Variants in NAA16 observed in about 807,000 individuals in gnomAD.
NAA16 encodes NARG1-like protein.
A neutral mutation model predicts 110.3 loss-of-function variants in NAA16; 97 were observed. The observed-to-expected ratio is 0.88, with a 90% confidence interval of 0.75 to 1.04. The LOEUF (loss-of-function observed/expected upper bound fraction) is 1.04, where lower values mean the gene tolerates loss of function less well. Ranked by LOEUF, NAA16 falls within the 50% of genes least tolerant of loss-of-function variation. NAA16 has a pLI of 0.00. For synonymous variants in NAA16, 372 were observed against 330.6 expected (o/e 1.13, Z -1.36); for missense variants, 1,017 against 1,005.1 (o/e 1.01, Z -0.16).
intron 4 of NAA16, among the ~76,000 whole-genome samples, chr13:41,321,877 C>T (rs1453898273): frequency 6.6e-6 from 1 of 152,054 alleles, no homozygotes; most frequent in Non-Finnish European, 1.5e-5. Flanking sequence ...GCCCTCATAC[C>T]CCATGCCTAG....
chr13:41,366,463 G>A lies in NAA16; in HGVS notation c.1540-976G>A, dbSNP rs776015259. 4.6e-5 allele frequency among the ~76,000 whole-genome samples: 7 copies of A among 152,080 alleles called. 1 individual carries two copies. Among genetic ancestry groups the A allele is most frequent in the African/African-American group, 1.4e-4 (6 of 41,428 alleles). The stretch of plus-strand genomic sequence containing the variant: ...TCTATATGATTTTAGAAAAACTAAC[G>A]TATGAAAAAAGAAGTTGGAGATGGA... On this transcript the variant is annotated intron_variant, in intron 13 of 19. Transcript: ENST00000379406.
In NAA16 at chr13:41,328,844, G is replaced by A; in HGVS notation, c.811+1G>A. The A allele has an allele frequency of 6.3e-7, 1 of 1,593,508 alleles. No homozygotes were observed. The highest frequency in any genetic ancestry group is 8.6e-7 in the Non-Finnish European group (1 of 1,163,992). On this transcript the variant is annotated splice_donor_variant, in intron 7 of 19. Transcript: ENST00000379406. LOFTEE classifies it high-confidence loss of function. ...GGCTTGGAAAAAGCTCTACAAATTA[G>A]TATGTAATGATTTTTCTCCTCTTTC... is the stretch of plus-strand genomic sequence containing the variant.
At chr13:41,348,109 TA>T (rs1185979159) in intron 9 of NAA16, among the ~76,000 whole-genome samples, 1 of 151,724 alleles carries the variant, frequency 6.6e-6, no homozygotes, top group Non-Finnish European at 1.5e-5. Context: ...GGTTTTTTTT[TA>T]AAAAAAATCT....
chr13:41,372,585 T>C (rs2043344009), intron 16 of NAA16, 147 bp from the exon 17 acceptor site: 5 of 1,327,024 alleles, frequency 3.8e-6, no homozygotes, highest in South Asian at 2.3e-5. Flanking sequence ...ATAGTTGACT[T>C]TGATAGCCAG....
intron 13 of NAA16, among the ~76,000 whole-genome samples, chr13:41,364,638 A>G (rs1445331328): frequency 6.6e-6 from 1 of 152,062 alleles, no homozygotes; most frequent in African/African-American, 2.4e-5. Flanking sequence ...ATTTTAGAAT[A>G]CTGACTTAGA....
At chr13:41,366,552 T>G (rs917380436) in intron 13 of NAA16, among the ~76,000 whole-genome samples, 6 of 152,146 alleles carry the variant, frequency 3.9e-5, no homozygotes, top group African/African-American at 1.4e-4. Flanking sequence ...AGAGGGTTAG[T>G]GTTCACCTTT....
chr13:41,332,989 AC>A (rs1340461022), intron 8 of NAA16, among the ~76,000 whole-genome samples: 1 of 152,118 alleles, frequency 6.6e-6, no homozygotes, highest in Non-Finnish European at 1.5e-5. Flanking sequence ...TTTCCAGGGA[AC>A]ATTAAGTCCA....
chr13:41,374,745 C>T lies in NAA16; in HGVS notation c.2303C>T (p.Ala768Val). ...ATSLQHLLSG[A>V]KMMYFLDKSR... ...TTGAAATGCCTTGGTATTTCAGGTG[C>T]TAAAATGATGTATTTTCTGGACAAG... The change falls in exon 19 of 20, where the codon GCT becomes GTT. Residue 768 changes from alanine (A) to valine (V), a missense_variant. Physicochemically the swap from Ala to Val is moderately conservative, Grantham distance 64. Coordinates refer to ENST00000379406, the MANE Select transcript of NAA16 (RefSeq NM_024561.5). 6.2e-7 allele frequency: 1 copy of T among 1,605,592 alleles called. No homozygotes were observed. Among genetic ancestry groups the T allele is most frequent in the South Asian group, 1.1e-5 (1 of 90,482 alleles).
In NAA16 at chr13:41,376,551, A is replaced by T. The variant is rs1403100378; in HGVS notation, c.*949A>T. 6.6e-6 allele frequency: 1 copy of T among 152,192 alleles called. No homozygotes were observed. Among genetic ancestry groups the T allele is most frequent in the Non-Finnish European group, 1.5e-5 (1 of 68,032 alleles). 9.4% of individuals were successfully genotyped at this position (152,192 alleles called of 1,614,324 possible). A position where few individuals can be genotyped will look rare whatever the true frequency, so the allele number is the denominator to read the frequency against. ...CTTAAAAGCCCACAGGCAAGAATTA[A>T]TGCTTTCTTAACTAAGTTACTTTGA... On this transcript the variant is annotated 3_prime_UTR_variant, in exon 20 of 20. Transcript: ENST00000379406.
At chr13:41,326,745 T>C (rs925402048) in intron 6 of NAA16, among the ~76,000 whole-genome samples, 1 of 152,134 alleles carries the variant, frequency 6.6e-6, no homozygotes, top group Non-Finnish European at 1.5e-5. Flanking sequence ...CAGGACAGTT[T>C]TAGGTTCACA....
In NAA16 at chr13:41,367,625, G is replaced by T; in HGVS notation, c.1726G>T (p.Glu576Ter). 1 of 1,608,872 alleles carries T rather than the reference G, an allele frequency of 6.2e-7. No homozygotes were observed. ...LKLYDNPLTN[E>*]SKQQEINSEN... is the part of the protein sequence containing the mutation. Reference sequence around the variant, plus strand: ...ATTGTATGATAATCCCTTAACCAATGAAAGCAAACAACAAGAAATAAACTC... The same window carrying T: ...ATTGTATGATAATCCCTTAACCAATTAAAGCAAACAACAAGAAATAAACTC... The change falls in exon 14 of 20, where the codon GAA becomes TAA. Residue 576 changes from glutamate (E) to a stop codon, truncating the protein, a stop_gained. Coordinates refer to ENST00000379406, the MANE Select transcript of NAA16 (RefSeq NM_024561.5). LOFTEE classifies it high-confidence loss of function.
intron 6 of NAA16, among the ~76,000 whole-genome samples, chr13:41,327,042 G>A (rs979857295): frequency 2.6e-5 from 4 of 151,966 alleles, no homozygotes; most frequent in African/African-American, 9.7e-5. Context: ...TTTCAGATTG[G>A]CTTTATTTTT....
At position 41,367,878 on chromosome 13, in the gene NAA16, A is replaced by AT. The variant is rs200525634; in HGVS notation, c.1753+234dup. Among the ~76,000 whole-genome samples the AT allele has an allele frequency of 6.9e-3, 1,051 of 152,098 alleles. 16 individuals are homozygous for AT. Among genetic ancestry groups the AT allele is most frequent in the African/African-American group, 0.023 (970 of 41,488 alleles). ...AATTACTTTAATGGAACAACTTAGA[A>AT]TTTTTTTTATTTTTGTCTTCAGAAA... On this transcript the variant is annotated intron_variant, in intron 14 of 19. Transcript: ENST00000379406.
chr13:41,312,330 C>T (rs568521774), intron 1 of NAA16, among the ~76,000 whole-genome samples: 4 of 152,240 alleles, frequency 2.6e-5, no homozygotes, highest in African/African-American at 9.6e-5. Context: ...TTTACTTTAT[C>T]GCGGAGCAGA....
At chr13:41,361,880 T>C (rs2043118813) in intron 12 of NAA16, 151 bp from the exon 13 acceptor site, 1 of 775,124 alleles carries the variant, frequency 1.3e-6, no homozygotes, top group East Asian at 3.3e-5. Context: ...GAGACTATTG[T>C]AGTATAAAAC....
chr13:41,368,700 G>A (rs1296714339), intron 14 of NAA16, among the ~76,000 whole-genome samples: 2 of 152,114 alleles, frequency 1.3e-5, no homozygotes, highest in African/African-American at 4.8e-5. Flanking sequence ...AACATGTCCA[G>A]ACTTTTTTTC....
intron 5 of NAA16, among the ~76,000 whole-genome samples, chr13:41,324,873 T>C (rs2042047976): frequency 6.7e-6 from 1 of 150,336 alleles, no homozygotes; most frequent in Non-Finnish European, 1.5e-5. Context: ...TGCCTGACAA[T>C]GTTGTGTTTT....
intron 9 of NAA16, among the ~76,000 whole-genome samples, chr13:41,342,378 T>A (rs564522735): frequency 6.6e-6 from 1 of 152,330 alleles, no homozygotes; most frequent in South Asian, 2.1e-4. Flanking sequence ...GCGCAAGCAA[T>A]CCGCCATCCT....
intron 3 of NAA16, among the ~76,000 whole-genome samples, chr13:41,319,518 T>A (rs1566242013): frequency 6.6e-6 from 1 of 152,128 alleles, no homozygotes; most frequent in Non-Finnish European, 1.5e-5. Flanking sequence ...AAAAAAAATT[T>A]TTTTTTGTTT....
Sources: gnomAD v4.1 joint callset for allele counts (sites outside exome capture counted in the v4.1 genomes callset) on GRCh38, gnomAD v4.1.1 for gene constraint, MANE v1.5 for transcripts, NCBI Gene and HGNC (gene_info 2026-07-23, HGNC 2026-07-21) for gene names.